Variants in WNT2B observed in about 807,000 individuals in gnomAD.
WNT2B encodes Wnt family member 2B, also known as protein Wnt-2b.
Under a neutral mutation model 40.5 loss-of-function variants are expected in WNT2B, and 19 were observed. The ratio of observed to expected loss-of-function variants is 0.47; its 90% confidence interval spans 0.33 to 0.69. The LOEUF (loss-of-function observed/expected upper bound fraction) is 0.69, where lower values mean the gene tolerates loss of function less well. Among genes scored for constraint, WNT2B ranks in the 30% least tolerant of loss-of-function variants. The pLI is 0.02. For missense variants in WNT2B, 467 were observed against 556.4 expected, an observed-to-expected ratio of 0.84 and a Z score of 1.62; for synonymous variants, 220 against 211.9, an observed-to-expected ratio of 1.04 and a Z score of -0.33.
intron 1 of WNT2B, chr1:112,467,652 C>A: frequency 1.3e-6 from 1 of 750,832 alleles, no homozygotes. Context: ...CTTTTCTTCT[C>A]GATACATAAT....
chr1:112,515,071 T>A lies in WNT2B; in HGVS notation c.380T>A (p.Val127Asp). Residue 127 changes from valine (V) to aspartate (D), a missense_variant, in exon 2 of 5, where the codon GTC becomes GAC. By Grantham distance (152) the Val-to-Asp change is radical. This residue lies in a region of WNT2B where 330 missense variants were observed against 438.6 expected (regional missense o/e 0.75). Coordinates refer to ENST00000369684, the MANE Select transcript of WNT2B (RefSeq NM_024494.3). The surrounding 1 kb of genome is among the most constrained non-coding windows in gnomAD (Gnocchi z 4.4). ...NCTTLDRDHT[V>D]FGRVMLRSSR... ...ACCACCCTGGACCGGGACCACACCG[T>A]CTTTGGCCGTGTCATGCTCAGAAGT... 6.2e-7 allele frequency: 1 copy of A among 1,614,150 alleles called. No individual in the cohort carries two copies. The highest frequency in any genetic ancestry group is 8.5e-7 in the Non-Finnish European group (1 of 1,180,028).
At chr1:112,501,682 C>A (rs1328798635) in intron 1 of WNT2B, among the ~76,000 whole-genome samples, 1 of 152,126 alleles carries the variant, frequency 6.6e-6, no homozygotes, top group Non-Finnish European at 1.5e-5. Flanking sequence ...ATAGCTATTA[C>A]CCACATAAAC....
Position 112,522,307 on chromosome 1 carries a change from A to G in WNT2B, c.*1798A>G, listed in dbSNP as rs1323754299. 6.6e-6 allele frequency: 1 copy of G among 152,260 alleles called. No individual in the cohort carries two copies. 9.4% of individuals were successfully genotyped at this position (152,260 alleles called of 1,614,324 possible). A position where few individuals can be genotyped will look rare whatever the true frequency, so the allele number is the denominator to read the frequency against. On this transcript the variant is annotated 3_prime_UTR_variant, in exon 5 of 5. Coordinates refer to ENST00000369684, the MANE Select transcript of WNT2B (RefSeq NM_024494.3). ...AGCCTTCCAAAGTGCTGGGCGTACA[A>G]GCGCAAGCCACTGTGCCCAGCTGTC...
At chr1:112,476,838 C>T (rs1037586406) in intron 1 of WNT2B, among the ~76,000 whole-genome samples, 7 of 152,170 alleles carry the variant, frequency 4.6e-5, no homozygotes, top group Admixed American at 2.6e-4. Flanking sequence ...ACCAACTCAC[C>T]GTCTCACAAT....
At chr1:112,487,937 A>C (rs1651471647) in intron 1 of WNT2B, among the ~76,000 whole-genome samples, 1 of 54,200 alleles carries the variant, frequency 1.8e-5, no homozygotes, top group South Asian at 1.0e-3. Context: ...CTGACTCAAA[A>C]AAAAAAAAAA....
intron 1 of WNT2B, among the ~76,000 whole-genome samples, chr1:112,476,373 C>T (rs1449435795): frequency 6.6e-6 from 1 of 152,012 alleles, no homozygotes; most frequent in African/African-American, 2.4e-5. Flanking sequence ...AATAGAAGTT[C>T]AAATGACATC....
In WNT2B at chr1:112,514,997, A is replaced by G; in HGVS notation, c.306A>G (p.Glu102=). Residue 102 remains glutamate (E), a synonymous_variant, in exon 2 of 5, where the codon GAA becomes GAG. Coordinates refer to ENST00000369684, the MANE Select transcript of WNT2B (RefSeq NM_024494.3). ...IMRSVGEGAR[E]WIRECQHQFR... is the part of the protein sequence containing the mutation. ...GTTCAGTGGGCGAGGGTGCCCGAGA[A>G]TGGATCCGAGAGTGTCAGCACCAAT... 1.2e-6 allele frequency: 2 copies of G among 1,614,188 alleles called. No homozygotes were observed. Among genetic ancestry groups the G allele is most frequent in the Non-Finnish European group, 1.7e-6 (2 of 1,180,036 alleles).
chr1:112,479,185 C>T (rs1399682039), intron 1 of WNT2B, among the ~76,000 whole-genome samples: 1 of 151,922 alleles, frequency 6.6e-6, no homozygotes, highest in Non-Finnish European at 1.5e-5. Context: ...TGCACCATTG[C>T]ACTCCAGCCT....
chr1:112,513,438 C>G (rs1216860688), intron 1 of WNT2B, among the ~76,000 whole-genome samples: 1 of 152,068 alleles, frequency 6.6e-6, no homozygotes, highest in Non-Finnish European at 1.5e-5. Context: ...CCCCATCAGC[C>G]CTGCTGAGTT....
rs1652966292 is a variant in WNT2B at position 112,523,077 on chromosome 1, A to T, written c.*2568A>T. Reference sequence around the variant, plus strand: ...GTCCTGGCCAGCCCCTGTTCTCACAAGAACATGCAGGTTACCACATAAATA... The same window carrying T: ...GTCCTGGCCAGCCCCTGTTCTCACATGAACATGCAGGTTACCACATAAATA... On this transcript the variant is annotated 3_prime_UTR_variant, in exon 5 of 5. Transcript: ENST00000369684. 6.6e-6 allele frequency: 1 copy of T among 152,230 alleles called. No individual in the cohort carries two copies. Among genetic ancestry groups the T allele is most frequent in the South Asian group, 2.1e-4 (1 of 4,832 alleles). The allele number at this position is 152,230 out of a possible 1,614,324, so 9.4% of individuals were successfully genotyped here.
intron 2 of WNT2B, 31 bp from the exon 3 acceptor site, chr1:112,516,109 C>T: frequency 6.3e-7 from 1 of 1,587,450 alleles, no homozygotes; most frequent in South Asian, 1.1e-5. Context: ...GGCCTCTTTC[C>T]TGAAGCACAC....
intron 4 of WNT2B, among the ~76,000 whole-genome samples, chr1:112,518,890 A>G (rs1652709531): frequency 6.6e-6 from 1 of 152,256 alleles, no homozygotes; most frequent in South Asian, 2.1e-4. Flanking sequence ...ATGTTTTCCT[A>G]TCTCTGTTGT....
chr1:112,515,298 T>A lies in WNT2B; in HGVS notation c.403+204T>A, dbSNP rs1044632373. ...AGACAGGGGCTCCTCTAAATCTTAG[T>A]GCTCTGGGACAAGACCAAGGTAAAG... On this transcript the variant is annotated intron_variant, in intron 2 of 4. Coordinates refer to ENST00000369684, the MANE Select transcript of WNT2B (RefSeq NM_024494.3). This position sits in a 1 kb window ranked among gnomAD's most constrained non-coding sequence, Gnocchi z 4.4. 1.3e-5 allele frequency among the ~76,000 whole-genome samples: 2 copies of A among 152,226 alleles called. No individual in the cohort carries two copies. Among genetic ancestry groups the A allele is most frequent in the African/African-American group, 2.4e-5 (1 of 41,466 alleles).
chr1:112,516,674 A>G (rs1652561110), intron 3 of WNT2B, among the ~76,000 whole-genome samples: 1 of 152,200 alleles, frequency 6.6e-6, no homozygotes. Flanking sequence ...TAAGAAGGAA[A>G]AGAACTGCCT....
rs567829741 is a variant in WNT2B at position 112,528,082 on chromosome 1, T to C, written c.*7573T>C. 5.3e-5 allele frequency: 8 copies of C among 152,242 alleles called. No homozygotes were observed. Among genetic ancestry groups the C allele is most frequent in the African/African-American group, 1.7e-4 (7 of 41,548 alleles). The allele number at this position is 152,242 out of a possible 1,614,324, so 9.4% of individuals were successfully genotyped here. On this transcript the variant is annotated 3_prime_UTR_variant, in exon 5 of 5. Coordinates refer to ENST00000369684, the MANE Select transcript of WNT2B (RefSeq NM_024494.3). Reference sequence around the variant, plus strand: ...TTTAATGGACTAGGAAGCAGAAGTCTGAGAATAAAGGAATTAGGTTAATGA... The same window carrying C: ...TTTAATGGACTAGGAAGCAGAAGTCCGAGAATAAAGGAATTAGGTTAATGA...
intron 1 of WNT2B, among the ~76,000 whole-genome samples, chr1:112,494,375 T>A (rs1217966066): frequency 6.7e-6 from 1 of 150,304 alleles, no homozygotes; most frequent in South Asian, 2.1e-4. Flanking sequence ...CGGAGAAAAA[T>A]ATATATATTT....
Position 112,526,289 on chromosome 1 carries a change from C to A in WNT2B, c.*5780C>A. The A allele has an allele frequency of 1.6e-6, 1 of 641,974 alleles. No individual in the cohort carries two copies. The highest frequency in any genetic ancestry group is 2.5e-6 in the Non-Finnish European group (1 of 397,224). The allele number at this position is 641,974 out of a possible 1,614,324, so 39.8% of individuals were successfully genotyped here. A position where few individuals can be genotyped will look rare whatever the true frequency, so the allele number is the denominator to read the frequency against. ...CCACCAGTACCATGTGACCACTATA[C>A]AACATATTCCACATTTAAACAACTC... is the stretch of plus-strand genomic sequence containing the variant. On this transcript the variant is annotated 3_prime_UTR_variant, in exon 5 of 5. Coordinates refer to ENST00000369684, the MANE Select transcript of WNT2B (RefSeq NM_024494.3).
At chr1:112,477,658 T>A (rs978489263) in intron 1 of WNT2B, among the ~76,000 whole-genome samples, 1 of 152,002 alleles carries the variant, frequency 6.6e-6, no homozygotes, top group Non-Finnish European at 1.5e-5. Context: ...CAAGAACAGA[T>A]TAAAAGTTCA....
intron 1 of WNT2B, among the ~76,000 whole-genome samples, chr1:112,480,146 G>C (rs900471296): frequency 1.5e-4 from 23 of 152,012 alleles, no homozygotes; most frequent in African/African-American, 5.1e-4. Context: ...GATCACTTGA[G>C]GTCTGAGGTC....
Sources: allele counts gnomAD v4.1 joint callset (sites outside exome capture counted in the v4.1 genomes callset), GRCh38; gene constraint gnomAD v4.1.1; regional missense constraint gnomAD v4.1.1; non-coding constraint Gnocchi (gnomAD v3.1); transcripts MANE v1.5; gene names NCBI Gene and HGNC (gene_info 2026-07-23, HGNC 2026-07-21).